The following PCDH9 variants were observed in gnomAD, a reference collection of about 807,000 sequenced individuals.
PCDH9 encodes the protein protocadherin-9.
PCDH9 carries 24 observed loss-of-function variants against 70.6 expected under a neutral mutation model. That is an observed-to-expected ratio of 0.34 (90% CI 0.25 to 0.48). The LOEUF is 0.48. Among genes scored for constraint, PCDH9 ranks in the 20% least tolerant of loss-of-function variants. The probability of loss-of-function intolerance (pLI) is 0.99; values close to 1 mark genes in which losing one functional copy is unlikely to be tolerated. For synonymous variants in PCDH9, 562 were observed against 558.5 expected (o/e 1.01, Z -0.09); for missense variants, 1,281 against 1,503.6 (o/e 0.85, Z 2.45).
intron 2 of PCDH9, among the ~76,000 whole-genome samples, chr13:67,023,905 C>A (rs1030311128): frequency 1.3e-5 from 2 of 151,584 alleles, no homozygotes; most frequent in Non-Finnish European, 2.9e-5. Context: ...ATATCAATAA[C>A]AGACCAAACT....
intron 3 of PCDH9, among the ~76,000 whole-genome samples, chr13:66,637,076 A>T (rs1048393279): frequency 2.0e-5 from 3 of 152,134 alleles, no homozygotes; most frequent in Non-Finnish European, 2.9e-5. Context: ...TTTAATTGTA[A>T]TTTATAAATA....
chr13:66,317,708 G>C (rs1193013611), intron 4 of PCDH9, among the ~76,000 whole-genome samples: 2 of 151,674 alleles, frequency 1.3e-5, no homozygotes, highest in Non-Finnish European at 2.9e-5. Context: ...CTTTGATACA[G>C]GTATATTCAA....
rs1181028039 is a variant in PCDH9, at chr13:66,496,041, T to G, written c.3340+135169A>C. ...GCCCATAGCAATACTTATAAAATTT[T>G]GACATTTATTATTGTTGTGCTTCTC... On this transcript the variant is annotated intron_variant, in intron 4 of 4. Transcript: ENST00000377865. 2.0e-5 allele frequency among the ~76,000 whole-genome samples: 3 copies of G among 152,240 alleles called. No individual in the cohort carries two copies. The East Asian group carries it at 5.8e-4, about 29-fold the overall frequency.
intron 3 of PCDH9, among the ~76,000 whole-genome samples, chr13:66,671,313 G>A (rs770735438): frequency 2.1e-4 from 32 of 151,478 alleles, no homozygotes; most frequent in Non-Finnish European, 3.5e-4. Context: ...TTGGTAGAGT[G>A]GGGTACTGCT....
In PCDH9 at chr13:67,083,269, T is replaced by C. The variant is rs74093598; in HGVS notation, c.3036+142136A>G. Among the ~76,000 whole-genome samples, 731 of 152,294 alleles carry C rather than the reference T, an allele frequency of 4.8e-3. 4 individuals carry two copies. Among genetic ancestry groups the C allele is most frequent in the African/African-American group, 0.016 (683 of 41,578 alleles). ...ATAGAGTTTTGCATAATTAATGTGG[T>C]ATTTTAATCATGTTACAATAACAAA... On this transcript the variant is annotated intron_variant, in intron 2 of 4. Transcript: ENST00000377865.
intron 2 of PCDH9, among the ~76,000 whole-genome samples, chr13:66,990,731 A>T (rs2083986028): frequency 6.6e-6 from 1 of 151,514 alleles, no homozygotes; most frequent in Admixed American, 6.6e-5. Context: ...GGTAAAGTAG[A>T]TGTTTCCACA....
At chr13:67,022,248 G>A (rs1478700009) in intron 2 of PCDH9, among the ~76,000 whole-genome samples, 1 of 147,454 alleles carries the variant, frequency 6.8e-6, no homozygotes, top group Non-Finnish European at 1.5e-5. Flanking sequence ...TCAGCCTCCC[G>A]AGTAGCTGCG....
intron 4 of PCDH9, among the ~76,000 whole-genome samples, chr13:66,626,865 T>C (rs1167164101): frequency 6.6e-6 from 1 of 152,024 alleles, no homozygotes; most frequent in Non-Finnish European, 1.5e-5. Flanking sequence ...AGATATAATA[T>C]AAAATCGATA....
chr13:66,552,746 T>C (rs1266996028), intron 4 of PCDH9, among the ~76,000 whole-genome samples: 1 of 152,116 alleles, frequency 6.6e-6, no homozygotes, highest in Non-Finnish European at 1.5e-5. Context: ...TTTAATATTT[T>C]GTAGTAGTGA....
rs34829318 is a variant in PCDH9 at position 67,216,683 on chromosome 13, CATATATATAT to C, written c.3036+8712_3036+8721del. The C allele has an allele frequency of 7.7e-5, 7 of 90,736 alleles. 1 individual carries two copies. The highest frequency in any genetic ancestry group is 5.9e-4 in the East Asian group (1 of 1,694). The allele number at this position is 90,736 out of a possible 1,614,324, so 5.6% of individuals were successfully genotyped here. A position where few individuals can be genotyped will look rare whatever the true frequency, so the allele number is the denominator to read the frequency against. On this transcript the variant is annotated intron_variant, in intron 2 of 4. Coordinates refer to ENST00000377865, the MANE Select transcript of PCDH9 (RefSeq NM_203487.3). The stretch of plus-strand genomic sequence containing the variant: ...CACACTTTGTGGTTGTCTTAAGCAA[CATATATATAT>C]ATATATATATATATGGATATATATA...
At chr13:66,874,607 T>C (rs957226394) in intron 3 of PCDH9, among the ~76,000 whole-genome samples, 2 of 152,104 alleles carry the variant, frequency 1.3e-5, no homozygotes, top group African/African-American at 4.8e-5. Context: ...ACAGTAACAA[T>C]TATATTACAA....
chr13:66,739,988 G>A (rs1253429838), intron 3 of PCDH9, among the ~76,000 whole-genome samples: 1 of 151,568 alleles, frequency 6.6e-6, no homozygotes, highest in Non-Finnish European at 1.5e-5. Context: ...GCACCAAGCG[G>A]ACCTAATAGA....
At chr13:66,464,292 C>T (rs1958477303) in intron 4 of PCDH9, among the ~76,000 whole-genome samples, 1 of 151,686 alleles carries the variant, frequency 6.6e-6, no homozygotes, top group South Asian at 2.1e-4. Context: ...ACCTTCCCCT[C>T]TCAGTGTAAC....
chr13:67,075,270 T>C (rs1235396100), intron 2 of PCDH9, among the ~76,000 whole-genome samples: 1 of 152,120 alleles, frequency 6.6e-6, no homozygotes, highest in African/African-American at 2.4e-5. Flanking sequence ...GGAACAGGAT[T>C]ATTATTCTTA....
chr13:66,449,775 A>G (rs1958168663), intron 4 of PCDH9, among the ~76,000 whole-genome samples: 1 of 152,174 alleles, frequency 6.6e-6, no homozygotes, highest in Non-Finnish European at 1.5e-5. Flanking sequence ...TCGTACAGTA[A>G]TATAAATAAA....
intron 2 of PCDH9, among the ~76,000 whole-genome samples, chr13:67,051,424 A>T (rs1205736185): frequency 9.1e-6 from 1 of 110,034 alleles, no homozygotes; most frequent in Non-Finnish European, 1.7e-5. Flanking sequence ...ACAGAGTCTC[A>T]TTCTGTCACC....
chr13:66,322,411 C>T (rs549531057), intron 4 of PCDH9, among the ~76,000 whole-genome samples: 9 of 152,112 alleles, frequency 5.9e-5, no homozygotes, highest in African/African-American at 1.2e-4. Flanking sequence ...AAATCTGACA[C>T]GGTTAAGTTC....
At chr13:66,428,032 T>G (rs542868071) in intron 4 of PCDH9, among the ~76,000 whole-genome samples, 1 of 151,874 alleles carries the variant, frequency 6.6e-6, no homozygotes, top group Admixed American at 6.6e-5. Context: ...TTTCTCTTCT[T>G]GATGAAAAAT....
At chr13:66,984,948 G>C (rs747316911) in intron 2 of PCDH9, among the ~76,000 whole-genome samples, 1 of 152,014 alleles carries the variant, frequency 6.6e-6, no homozygotes. Flanking sequence ...TGCATTGGCT[G>C]TCTCCCAGTT....
Sources: gnomAD v4.1 joint callset for allele counts (sites outside exome capture counted in the v4.1 genomes callset) on GRCh38, gnomAD v4.1.1 for gene constraint, MANE v1.5 for transcripts, NCBI Gene and HGNC (gene_info 2026-07-23, HGNC 2026-07-21) for gene names.